The following WDR7 variants were observed in gnomAD, a reference collection of about 807,000 sequenced individuals.
WDR7 encodes WD repeat domain 7.
A neutral mutation model predicts 169.4 loss-of-function variants in WDR7; 46 were observed. The observed-to-expected ratio is 0.27, with a 90% confidence interval of 0.21 to 0.35. WDR7 has a LOEUF of 0.35. Ranked by LOEUF, WDR7 falls within the 10% of genes least tolerant of loss-of-function variation. The pLI, the probability that WDR7 is intolerant of heterozygous loss-of-function variation, is 1.00. For synonymous variants in WDR7, 612 were observed against 666.8 expected (o/e 0.92, Z 1.27); for missense variants, 1,534 against 1,859.3 (o/e 0.83, Z 3.22).
rs373822334 is a variant in WDR7 at position 57,021,210 on chromosome 18, C to T, written c.4269+361C>T. On this transcript the variant is annotated intron_variant, in intron 27 of 27. Transcript: ENST00000254442. The stretch of plus-strand genomic sequence containing the variant: ...GCTTGAGTGATGTGGAGGAAGGGCT[C>T]AGTGTTCAGGGTGGGTCAGGAGGTG... 7.9e-5 allele frequency among the ~76,000 whole-genome samples: 12 copies of T among 152,006 alleles called. No homozygotes were observed. In the East Asian group the frequency reaches 1.5e-3, roughly 19 times the overall value.
At chr18:56,964,593 G>A (rs1032181095) in intron 26 of WDR7, among the ~76,000 whole-genome samples, 28 of 152,008 alleles carry the variant, frequency 1.8e-4, no homozygotes, top group Non-Finnish European at 1.5e-5. Flanking sequence ...TCATCATGTT[G>A]GCCAGGCTGA....
chr18:56,742,877 G>C (rs2043642004), intron 14 of WDR7, among the ~76,000 whole-genome samples: 1 of 152,026 alleles, frequency 6.6e-6, no homozygotes, highest in African/African-American at 2.4e-5. Flanking sequence ...GAAATGAGGC[G>C]AGTCCATTAA....
chr18:56,922,408 T>C (rs2046739739), intron 21 of WDR7, among the ~76,000 whole-genome samples: 1 of 152,166 alleles, frequency 6.6e-6, no homozygotes, highest in Non-Finnish European at 1.5e-5. Context: ...AGGACACGTA[T>C]GTGCTGGCAG....
chr18:56,778,143 G>A (rs1408767526), intron 17 of WDR7, among the ~76,000 whole-genome samples: 5 of 152,064 alleles, frequency 3.3e-5, no homozygotes, highest in African/African-American at 1.2e-4. Flanking sequence ...CTTAATTAAT[G>A]TAATTACATG....
chr18:56,849,024 C>T (rs1000313244), intron 20 of WDR7, among the ~76,000 whole-genome samples: 1 of 152,174 alleles, frequency 6.6e-6, no homozygotes, highest in African/African-American at 2.4e-5. Context: ...AGCTTCGTGG[C>T]TCTTTCCTTC....
chr18:57,007,669 A>G (rs1211706456), intron 26 of WDR7, among the ~76,000 whole-genome samples: 1 of 152,164 alleles, frequency 6.6e-6, no homozygotes, highest in African/African-American at 2.4e-5. Flanking sequence ...GGTGATTTGT[A>G]CATTGGGAAC....
At chr18:56,840,458 TCAAA>T (rs1036979432) in intron 20 of WDR7, among the ~76,000 whole-genome samples, 4 of 152,084 alleles carry the variant, frequency 2.6e-5, no homozygotes, top group Admixed American at 6.5e-5. Flanking sequence ...TAAAATAATA[TCAAA>T]CTAAGTACTT....
chr18:56,806,291 A>G (rs1043321839), intron 19 of WDR7, among the ~76,000 whole-genome samples: 8 of 152,194 alleles, frequency 5.3e-5, no homozygotes, highest in Non-Finnish European at 4.4e-5. Flanking sequence ...TGCCTTCGCC[A>G]TGCTCAGAGA....
chr18:56,980,671 A>G, intron 26 of WDR7, among the ~76,000 whole-genome samples: 1 of 152,254 alleles, frequency 6.6e-6, no homozygotes, highest in South Asian at 2.1e-4. Context: ...ATGATGTCCA[A>G]CCTTTGTAAG....
Position 56,682,873 on chromosome 18 carries a change from T to C in WDR7, c.520+20T>C, listed in dbSNP as rs1340157274. 1.2e-6 allele frequency: 2 copies of C among 1,607,628 alleles called. No homozygotes were observed. Among genetic ancestry groups the C allele is most frequent in the Non-Finnish European group, 1.7e-6 (2 of 1,177,318 alleles). On this transcript the variant is annotated intron_variant, in intron 5 of 27. Coordinates refer to ENST00000254442, the MANE Select transcript of WDR7 (RefSeq NM_015285.3). ...CACAAGGTCAGTGTATTATGCCTGT[T>C]AGGAGCTTTAGCACCATGACTTAAT... is the stretch of plus-strand genomic sequence containing the variant.
Position 56,879,888 on chromosome 18 carries a change from G to A in WDR7, c.3305-56G>A, listed in dbSNP as rs113793011. 4.1e-4 allele frequency: 579 copies of A among 1,399,312 alleles called. 4 individuals are homozygous for A. In the African/African-American group the frequency reaches 7.7e-3, roughly 19 times the overall value. The allele number at this position is 1,399,312 out of a possible 1,614,324, so 86.7% of individuals were successfully genotyped here. ...CAGTCCTGAATGTTTTTCTAATCAT[G>A]TGTCTTTTTGTATATTGATTTGTTC... is the stretch of plus-strand genomic sequence containing the variant. On this transcript the variant is annotated intron_variant, in intron 20 of 27. Coordinates refer to ENST00000254442, the MANE Select transcript of WDR7 (RefSeq NM_015285.3).
chr18:56,691,690 A>G, intron 8 of WDR7, 25 bp from the exon 9 acceptor site: 2 of 1,580,586 alleles, frequency 1.3e-6, no homozygotes, highest in Non-Finnish European at 1.7e-6. Flanking sequence ...ATTTTAATTG[A>G]ATATTGTATT....
Position 56,895,061 on chromosome 18 carries a change from C to T in WDR7, c.3526+14896C>T, listed in dbSNP as rs542394489. Among the ~76,000 whole-genome samples the T allele has an allele frequency of 1.2e-3, 182 of 152,114 alleles. 1 individual carries two copies. The highest frequency in any genetic ancestry group is 4.2e-3 in the African/African-American group (175 of 41,528). ...AAGCTGAAACTAAAAGCTACGTCAT[C>T]CTTAGTCGGTTCACATTAGATATAT... On this transcript the variant is annotated intron_variant, in intron 21 of 27. Transcript: ENST00000254442.
intron 20 of WDR7, among the ~76,000 whole-genome samples, chr18:56,867,076 G>A (rs2145429434): frequency 6.6e-6 from 1 of 152,056 alleles, no homozygotes; most frequent in East Asian, 1.9e-4. Flanking sequence ...CCAGGCTGGA[G>A]TGCAGTGGCA....
In WDR7 at chr18:56,695,176, A is replaced by G; in HGVS notation, c.1335A>G (p.Gln445=). The change falls in exon 11 of 28, where the codon CAA becomes CAG. Residue 445 remains glutamine (Q), a synonymous_variant. Coordinates refer to ENST00000254442, the MANE Select transcript of WDR7 (RefSeq NM_015285.3). ...ATQTAIVQLL[Q]GEHMLRRGWP... ...AGACGGCCATAGTACAGCTGTTGCA[A>G]GGGGAACACATGCTCAGAAGAGGTA... 6.2e-7 allele frequency: 1 copy of G among 1,614,162 alleles called. No individual in the cohort carries two copies. The highest frequency in any genetic ancestry group is 8.5e-7 in the Non-Finnish European group (1 of 1,180,006).
chr18:56,652,082 T>C (rs1348066679), intron 1 of WDR7, among the ~76,000 whole-genome samples: 1 of 152,226 alleles, frequency 6.6e-6, no homozygotes, highest in Non-Finnish European at 1.5e-5. Context: ...TCTGAGCGGA[T>C]GCCAGTCACT....
At chr18:57,029,872 A>G (rs901218331), downstream of WDR7, 4 of 152,232 alleles carry the variant, frequency 2.6e-5, no homozygotes, top group Admixed American at 2.6e-4. Flanking sequence ...ATGCTCCGCT[A>G]GCCCTGCTGC....
At chr18:56,923,276 G>A (rs546313269) in intron 21 of WDR7, among the ~76,000 whole-genome samples, 1 of 152,248 alleles carries the variant, frequency 6.6e-6, no homozygotes, top group Non-Finnish European at 1.5e-5. Context: ...CAACATAAAG[G>A]AATACATGTT....
At chr18:56,725,617 T>C (rs578029508) in intron 13 of WDR7, among the ~76,000 whole-genome samples, 55 of 152,256 alleles carry the variant, frequency 3.6e-4, no homozygotes, top group Non-Finnish European at 6.8e-4. Flanking sequence ...TGTTCACTCT[T>C]GATGGTAGTT....
Sources: allele counts gnomAD v4.1 joint callset (sites outside exome capture counted in the v4.1 genomes callset), GRCh38; gene constraint gnomAD v4.1.1; transcripts MANE v1.5; gene names NCBI Gene and HGNC (gene_info 2026-07-23, HGNC 2026-07-21).